Variants in ATP2C1 observed in about 807,000 individuals in gnomAD.
ATP2C1 encodes ATPase secretory pathway Ca2+ transporting 1, also known as calcium-transporting ATPase type 2C member 1.
A neutral mutation model predicts 120.5 loss-of-function variants in ATP2C1; 31 were observed. The ratio of observed to expected loss-of-function variants is 0.26; its 90% CI spans 0.19 to 0.35. The LOEUF is 0.35. Among genes scored for constraint, ATP2C1 ranks in the 10% least tolerant of loss-of-function variants. The probability of loss-of-function intolerance (pLI) is 1.00; values close to 1 mark genes in which losing one functional copy is unlikely to be tolerated. For missense variants in ATP2C1, 731 were observed against 1,107.5 expected, an observed-to-expected ratio of 0.66 and a Z score of 4.83; for synonymous variants, 351 against 358.7, an observed-to-expected ratio of 0.98 and a Z score of 0.24.
intron 3 of ATP2C1, 125 bp from the exon 4 acceptor site, chr3:130,931,897 A>G (rs2059466990): frequency 1.4e-6 from 1 of 692,350 alleles, no homozygotes; most frequent in Non-Finnish European, 2.6e-6. Flanking sequence ...GGTTGCTCTC[A>G]TAATAGACTA....
At chr3:130,885,914 C>A (rs886736155) in intron 1 of ATP2C1, among the ~76,000 whole-genome samples, 1 of 152,082 alleles carries the variant, frequency 6.6e-6, no homozygotes, top group South Asian at 2.1e-4. Flanking sequence ...TAGATAAACA[C>A]GTCATGAGGG....
chr3:130,863,598 G>A (rs1021787363), intron 1 of ATP2C1, among the ~76,000 whole-genome samples: 9 of 152,144 alleles, frequency 5.9e-5, no homozygotes, highest in Non-Finnish European at 1.0e-4. Context: ...ATAGTGATAT[G>A]GTTTAGCTGT....
At chr3:131,014,175 G>T in intron 26 of ATP2C1, 1 of 1,613,162 alleles carries the variant, frequency 6.2e-7, no homozygotes, top group South Asian at 1.1e-5. Context: ...TCTGTTCTTA[G>T]AACAGCTGGT....
At chr3:130,990,285 CA>C (rs1364402547) in intron 20 of ATP2C1, among the ~76,000 whole-genome samples, 2 of 113,970 alleles carry the variant, frequency 1.8e-5, no homozygotes, top group African/African-American at 6.3e-5. Flanking sequence ...CCCCCCCCCA[CA>C]AAAAAAGGCA....
chr3:130,884,790 A>G lies in ATP2C1; in HGVS notation c.108+33862A>G, dbSNP rs574221024. The stretch of plus-strand genomic sequence containing the variant: ...CTCTTCTTATAGTTTTTGTCAAGAA[A>G]ACTATTTTGTCTGATATAAGCATAG... On this transcript the variant is annotated intron_variant, in intron 1 of 26. Coordinates refer to the ATP2C1 transcript ENST00000504381. Among the ~76,000 whole-genome samples the G allele has an allele frequency of 1.1e-4, 17 of 152,260 alleles. No homozygotes were observed. The East Asian group carries it at 3.3e-3, about 29-fold the overall frequency.
chr3:130,969,821 C>T (rs2061216690), intron 17 of ATP2C1, among the ~76,000 whole-genome samples: 1 of 152,158 alleles, frequency 6.6e-6, no homozygotes, highest in African/African-American at 2.4e-5. Context: ...AAGTAGTTTG[C>T]AAATGTATGT....
At chr3:130,920,346 G>T (rs2058895915) in intron 2 of ATP2C1, among the ~76,000 whole-genome samples, 1 of 152,058 alleles carries the variant, frequency 6.6e-6, no homozygotes, top group East Asian at 1.9e-4. Flanking sequence ...ATTTTCAGTT[G>T]ATTTTTGTGT....
chr3:130,986,168 A>G (rs1324545535), intron 20 of ATP2C1, among the ~76,000 whole-genome samples: 1 of 131,274 alleles, frequency 7.6e-6, no homozygotes, highest in African/African-American at 2.9e-5. Context: ...GAAGGTGTTT[A>G]TATATTTGAA....
At chr3:130,850,925 A>T in exon 1 of ATP2C1, 3 of 1,380,198 alleles carry the variant, frequency 2.2e-6, no homozygotes, top group Non-Finnish European at 1.9e-6. Context: ...GAGCCGAAGA[A>T]CAGGTATCAT....
chr3:130,947,704 G>C (rs1332114025), intron 8 of ATP2C1, among the ~76,000 whole-genome samples: 1 of 152,076 alleles, frequency 6.6e-6, no homozygotes, highest in Admixed American at 6.6e-5. Flanking sequence ...AAGGACTTCT[G>C]TTGTTACTTG....
In ATP2C1 at chr3:130,961,979, C is replaced by CA. The variant is rs545725741; in HGVS notation, c.900-1986dup. ...TGAGTGAGCAATCTGTTTTTAAGGA[C>CA]AAAAAAGAAACAGGTATTCTCTTCC... On this transcript the variant is annotated intron_variant, in intron 12 of 27. Transcript: ENST00000510168. 5.3e-5 allele frequency among the ~76,000 whole-genome samples: 8 copies of CA among 151,922 alleles called. No individual in the cohort carries two copies. In the South Asian group the frequency reaches 1.0e-3, roughly 20 times the overall value.
At position 130,953,910 on chromosome 3, in the gene ATP2C1, T is replaced by C. The variant is rs999504253; in HGVS notation, c.621T>C (p.Asn207=). ...CAGCTCCTCAGCCAGCTGCAACTAA[T>C]GGAGATCTTGCATCGAGAAGTAACA... is the stretch of plus-strand genomic sequence containing the variant. ...KVTAPQPAAT[N]GDLASRSNIA... The change falls in exon 9 of 28, where the codon AAT becomes AAC. Residue 207 remains asparagine, a synonymous_variant. Transcript: ENST00000510168. 5 of 1,614,102 alleles carry C rather than the reference T, an allele frequency of 3.1e-6. No homozygotes were observed. The highest frequency in any genetic ancestry group is 1.3e-5 in the African/African-American group (1 of 75,036).
At chr3:130,971,020 A>G (rs1347101395) in intron 17 of ATP2C1, among the ~76,000 whole-genome samples, 2 of 152,186 alleles carry the variant, frequency 1.3e-5, no homozygotes, top group South Asian at 2.1e-4. Context: ...TGAAAATACA[A>G]TACCTTTCAC....
rs547749993 is a variant in ATP2C1 at position 130,871,487 on chromosome 3, C to T, written c.108+20559C>T. 2.6e-5 allele frequency among the ~76,000 whole-genome samples: 4 copies of T among 152,316 alleles called. No homozygotes were observed. In the East Asian group the frequency reaches 7.7e-4, roughly 29 times the overall value. On this transcript the variant is annotated intron_variant, in intron 1 of 26. Coordinates refer to the ATP2C1 transcript ENST00000504381. ...AAGAGTCTGCATTTCTAAAAAAATTCCAGGTGGGAGGGACCACACTTTCAG... is the reference window on the plus strand; with the variant it reads ...AAGAGTCTGCATTTCTAAAAAAATTTCAGGTGGGAGGGACCACACTTTCAG...
chr3:130,993,049 G>A (rs1255218798), intron 21 of ATP2C1, 48 bp downstream of exon 21: 1 of 1,509,550 alleles, frequency 6.6e-7, no homozygotes, highest in Non-Finnish European at 9.2e-7. Context: ...ACAAAATGCT[G>A]CTACTTTACT....
chr3:130,921,162 A>G (rs1220370857), intron 2 of ATP2C1, among the ~76,000 whole-genome samples: 2 of 150,180 alleles, frequency 1.3e-5, no homozygotes, highest in African/African-American at 4.9e-5. Context: ...GGTCAGTGCA[A>G]CCTCCGCCTC....
In ATP2C1 at chr3:130,852,152, T is replaced by G. The variant is rs149183739; in HGVS notation, c.108+1224T>G. ...GTGTCACCATTAAAAGACCAACTTT[T>G]GGTTTCCAAGTTTCAGCCTGCACTT... On this transcript the variant is annotated intron_variant, in intron 1 of 26. Coordinates refer to the ATP2C1 transcript ENST00000504381. Among the ~76,000 whole-genome samples the G allele has an allele frequency of 8.0e-4, 122 of 152,342 alleles. No individual in the cohort carries two copies. The East Asian group carries it at 0.023, about 28-fold the overall frequency.
At chr3:130,924,885 G>A (rs186645644) in intron 2 of ATP2C1, among the ~76,000 whole-genome samples, 1 of 151,894 alleles carries the variant, frequency 6.6e-6, no homozygotes, top group Non-Finnish European at 1.5e-5. Context: ...AGTGCGTTTG[G>A]CATTTCTCTA....
Position 130,919,145 on chromosome 3 carries a change from C to A in ATP2C1, c.7-11271C>A, listed in dbSNP as rs1296826599. On this transcript the variant is annotated intron_variant, in intron 2 of 27. Coordinates refer to ENST00000510168, the MANE Select transcript of ATP2C1 (RefSeq NM_001378687.1). Reference sequence around the variant, plus strand: ...TTGAGTTGGAGGCAGGAGCACGCATCACAGGCGGAGCTAGAGAGGCTGGGC... The same window carrying A: ...TTGAGTTGGAGGCAGGAGCACGCATAACAGGCGGAGCTAGAGAGGCTGGGC... 5.6e-5 allele frequency: 17 copies of A among 301,970 alleles called. 1 individual carries two copies. The Admixed American group carries it at 7.3e-4, about 13-fold the overall frequency. The allele number at this position is 301,970 out of a possible 1,614,324, so 18.7% of individuals were successfully genotyped here. A position where few individuals can be genotyped will look rare whatever the true frequency, so the allele number is the denominator to read the frequency against.
Sources: allele counts gnomAD v4.1 joint callset (sites outside exome capture counted in the v4.1 genomes callset), GRCh38; gene constraint gnomAD v4.1.1; transcripts MANE v1.5; gene names NCBI Gene and HGNC (gene_info 2026-07-23, HGNC 2026-07-21).